The following NHERF1 variants were observed in gnomAD, a reference collection of about 807,000 sequenced individuals.
NHERF1 encodes NHERF family PDZ scaffold protein 1.
At chr17:74,763,454 G>A in the NHERF1 span, 1 of 1,613,724 alleles carries the variant, frequency 6.2e-7, no homozygotes, top group Non-Finnish European at 8.5e-7. Context: ...GCTGCTGGTG[G>A]TGGACAGGGA....
chr17:74,754,258 A>G, the NHERF1 span, among the ~76,000 whole-genome samples: 3 of 152,034 alleles, frequency 2.0e-5, no homozygotes, highest in Non-Finnish European at 4.4e-5. Context: ...GACCCCAATA[A>G]CAAATGTTCC....
At chr17:74,766,242 G>A in the NHERF1 span, among the ~76,000 whole-genome samples, 2 of 152,078 alleles carry the variant, frequency 1.3e-5, no homozygotes, top group East Asian at 3.9e-4. Flanking sequence ...TGTTGCCCAG[G>A]CTGGAGTGTA....
At chr17:74,754,489 G>C in the NHERF1 span, among the ~76,000 whole-genome samples, 1 of 137,962 alleles carries the variant, frequency 7.2e-6, no homozygotes, top group South Asian at 2.3e-4. Context: ...TGCAACCTCC[G>C]TCTCTCAAGT....
the NHERF1 span, chr17:74,767,984 G>T: frequency 1.4e-6 from 1 of 737,228 alleles, no homozygotes. Context: ...AATGTAAAAA[G>T]GAGCCCCAGC....
the NHERF1 span, among the ~76,000 whole-genome samples, chr17:74,754,718 A>G: frequency 1.3e-5 from 2 of 152,112 alleles, no homozygotes; most frequent in East Asian, 1.9e-4. Flanking sequence ...ACCTCAGGTA[A>G]TCCACCTGCC....
At chr17:74,762,104 C>T in the NHERF1 span, 1 of 1,614,204 alleles carries the variant, frequency 6.2e-7, no homozygotes, top group Non-Finnish European at 8.5e-7. The surrounding 1 kb of genome is among the most constrained non-coding windows in gnomAD (Gnocchi z 4.2). Flanking sequence ...CAGGCCAGTT[C>T]ATCCGGTCAG....
chr17:74,763,253 A>T, the NHERF1 span: 1 of 980,338 alleles, frequency 1.0e-6, no homozygotes, highest in Non-Finnish European at 1.5e-6. Context: ...CCAGGTTGTG[A>T]ACTGCAAACT....
chr17:74,764,409 G>A, the NHERF1 span, among the ~76,000 whole-genome samples: 1 of 152,158 alleles, frequency 6.6e-6, no homozygotes. This position sits in a 1 kb window ranked among gnomAD's most constrained non-coding sequence, Gnocchi z 4.9. Context: ...ATGGCCCCTG[G>A]AAGTCCCTAG....
chr17:74,764,310 G>A, the NHERF1 span, among the ~76,000 whole-genome samples: 2 of 152,210 alleles, frequency 1.3e-5, no homozygotes, highest in Admixed American at 6.5e-5. The surrounding 1 kb of genome is among the most constrained non-coding windows in gnomAD (Gnocchi z 4.9). Context: ...CAAAGGTCCT[G>A]CGACTCCCAT....
chr17:74,757,903 G>A, the NHERF1 span, among the ~76,000 whole-genome samples: 1 of 152,218 alleles, frequency 6.6e-6, no homozygotes, highest in South Asian at 2.1e-4. Flanking sequence ...GTCTTGAGAG[G>A]TGGGGTTACC....
the NHERF1 span, among the ~76,000 whole-genome samples, chr17:74,754,489 G>A: frequency 2.2e-5 from 3 of 137,962 alleles, no homozygotes; most frequent in Non-Finnish European, 3.1e-5. Flanking sequence ...TGCAACCTCC[G>A]TCTCTCAAGT....
chr17:74,763,990 G>A, the NHERF1 span, among the ~76,000 whole-genome samples: 1,321 of 152,298 alleles, frequency 8.7e-3, 18 homozygotes, highest in African/African-American at 0.031. Flanking sequence ...CAGCCTTGCT[G>A]GCTCTAGAGA....
the NHERF1 span, chr17:74,767,031 G>C: frequency 9.8e-6 from 15 of 1,536,920 alleles, no homozygotes; most frequent in African/African-American, 1.2e-4. Flanking sequence ...GCATGAGACA[G>C]ATCAGAAGGT....
chr17:74,752,677 A>C, the NHERF1 span, among the ~76,000 whole-genome samples: 1 of 152,158 alleles, frequency 6.6e-6, no homozygotes, highest in Non-Finnish European at 1.5e-5. Flanking sequence ...AATTCTTTGT[A>C]GAGATGGAGT....
At chr17:74,761,265 T>C in the NHERF1 span, among the ~76,000 whole-genome samples, 2 of 152,184 alleles carry the variant, frequency 1.3e-5, no homozygotes, top group African/African-American at 4.8e-5. The surrounding 1 kb of genome is among the most constrained non-coding windows in gnomAD (Gnocchi z 4.3). Context: ...CAGGCTCCTC[T>C]GTTTCTGGGG....
the NHERF1 span, chr17:74,762,249 A>C: frequency 7.5e-7 from 1 of 1,334,228 alleles, no homozygotes; most frequent in Non-Finnish European, 1.0e-6. This position sits in a 1 kb window ranked among gnomAD's most constrained non-coding sequence, Gnocchi z 4.2. Context: ...CAGCCATCAT[A>C]CCATCATGGG....
At chr17:74,768,960 A>G in the NHERF1 span, 1 of 436,330 alleles carries the variant, frequency 2.3e-6, no homozygotes, top group South Asian at 2.3e-5. Flanking sequence ...TGCCAGGATC[A>G]TGGGACCAGG....
chr17:74,766,965 G>A, the NHERF1 span: 1 of 1,614,086 alleles, frequency 6.2e-7, no homozygotes, highest in Non-Finnish European at 8.5e-7. Flanking sequence ...CACCAATGGG[G>A]AGATACAGAA....
At chr17:74,756,806 A>T in the NHERF1 span, among the ~76,000 whole-genome samples, 2 of 152,182 alleles carry the variant, frequency 1.3e-5, no homozygotes, top group Admixed American at 1.3e-4. Flanking sequence ...GGCTCTTAAG[A>T]AGAAAACACA....
Sources: gnomAD v4.1 joint callset for allele counts (sites outside exome capture counted in the v4.1 genomes callset) on GRCh38, gnomAD v4.1.1 for gene constraint, Gnocchi (gnomAD v3.1) non-coding constraint, MANE v1.5 for transcripts, NCBI Gene and HGNC (gene_info 2026-07-23, HGNC 2026-07-21) for gene names.